The following STRA6 variants were observed in gnomAD, a reference collection of about 807,000 sequenced individuals.
STRA6 encodes receptor for retinol uptake STRA6.
In STRA6, 48 loss-of-function variants were observed where a neutral mutation model predicts 83.6. The ratio of observed to expected loss-of-function variants is 0.57; its 90% confidence interval spans 0.46 to 0.73. STRA6 has a LOEUF of 0.73. Ranked by LOEUF, STRA6 falls within the 30% of genes least tolerant of loss-of-function variation. STRA6 has a pLI of 0.00. For synonymous variants in STRA6, 353 were observed against 362.3 expected, an observed-to-expected ratio of 0.97 and a Z score of 0.29; for missense variants, 760 against 838.8, an observed-to-expected ratio of 0.91 and a Z score of 1.16.
chr15:74,196,002 G>T lies in STRA6; in HGVS notation c.406+6C>A, dbSNP rs2073796271. The stretch of plus-strand genomic sequence containing the variant: ...CCAACCCCAGGGCCTGGGGGTCAGT[G>T]GGTACCTTGGCTGGGTGCTGAGGCG... On this transcript the variant is annotated splice_donor_region_variant and intron_variant, in intron 5 of 18. Coordinates refer to ENST00000395105, the MANE Select transcript of STRA6 (RefSeq NM_022369.4). 2 of 1,613,668 alleles carry T rather than the reference G, an allele frequency of 1.2e-6. No homozygotes were observed. Among genetic ancestry groups the T allele is most frequent in the South Asian group, 2.2e-5 (2 of 91,058 alleles).
chr15:74,183,750 C>G, intron 14 of STRA6, 106 bp downstream of exon 14: 1 of 1,602,874 alleles, frequency 6.2e-7, no homozygotes, highest in South Asian at 1.1e-5. Flanking sequence ...CATTCCCAGA[C>G]AAACTCTGAG....
At chr15:74,181,602 G>T in intron 16 of STRA6, 144 bp from the exon 17 acceptor site, 1 of 1,165,268 alleles carries the variant, frequency 8.6e-7, no homozygotes, top group Non-Finnish European at 1.2e-6. Context: ...CCCCACCCTG[G>T]GCAAGGCCTT....
chr15:74,195,056 CT>C, intron 7 of STRA6: 1 of 1,446,972 alleles, frequency 6.9e-7, no homozygotes, highest in Non-Finnish European at 9.1e-7. Context: ...ACTCTGCCCA[CT>C]TCCCCTTCTC....
chr15:74,209,859 C>T (rs960504132), upstream of STRA6, among the ~76,000 whole-genome samples: 2 of 152,140 alleles, frequency 1.3e-5, no homozygotes, highest in South Asian at 2.1e-4. Flanking sequence ...GGCCAAGAAG[C>T]GGGGCCCTAA....
chr15:74,196,404 T>A, intron 4 of STRA6: 1 of 529,622 alleles, frequency 1.9e-6, no homozygotes. Context: ...CCGCCCACCC[T>A]GGAAGCTCCA....
intron 16 of STRA6, 93 bp downstream of exon 16, chr15:74,182,068 G>C: frequency 9.1e-7 from 1 of 1,096,164 alleles, no homozygotes; most frequent in East Asian, 2.4e-5. Flanking sequence ...AGAGAGAAGG[G>C]ATAGATGGCA....
chr15:74,210,167 A>C (rs2074347459), upstream of STRA6, among the ~76,000 whole-genome samples: 1 of 152,192 alleles, frequency 6.6e-6, no homozygotes, highest in Non-Finnish European at 1.5e-5. Flanking sequence ...AACCCACATA[A>C]AGAGAAAATT....
At chr15:74,189,592 A>G (rs535409497) in intron 11 of STRA6, among the ~76,000 whole-genome samples, 2 of 152,340 alleles carry the variant, frequency 1.3e-5, no homozygotes, top group African/African-American at 4.8e-5. Flanking sequence ...ATATTTGGGG[A>G]AAAACCCTCA....
chr15:74,209,235 C>T (rs1204015958), upstream of STRA6: 2 of 1,130,428 alleles, frequency 1.8e-6, no homozygotes, highest in East Asian at 2.6e-5. Flanking sequence ...ACCCCCAAAC[C>T]GTTTGCTCGA....
chr15:74,202,551 T>C (rs2074126461), intron 1 of STRA6, 162 bp downstream of exon 1: 2 of 1,476,048 alleles, frequency 1.4e-6, no homozygotes, highest in Non-Finnish European at 1.8e-6. Flanking sequence ...GCTGTCCCCT[T>C]GGGGCCCCGG....
Position 74,197,826 on chromosome 15 carries a change from G to A in STRA6, c.114-8C>T. 3 of 1,612,376 alleles carry A rather than the reference G, an allele frequency of 1.9e-6. No homozygotes were observed. Among genetic ancestry groups the A allele is most frequent in the South Asian group, 1.1e-5 (1 of 91,068 alleles). On this transcript the variant is annotated splice_polypyrimidine_tract_variant and splice_region_variant and intron_variant, in intron 2 of 18. Coordinates refer to ENST00000395105, the MANE Select transcript of STRA6 (RefSeq NM_022369.4). ...TGGCAGGAGGGCACTTCCCTGCAGA[G>A]CAAATGAAGGCTGGCTCAGGCCTGC...
rs749739559 is a variant in STRA6, at chr15:74,189,259, CCAG to C, written c.943_945del (p.Leu315del). The stretch of plus-strand genomic sequence containing the variant: ...TTCTGGATAGTGGGTACCACGCCCA[CCAG>C]CAGCAGCAGGGCCACCTGGAAGAGC... On this transcript the variant is annotated inframe_deletion, in exon 12 of 19. Coordinates refer to ENST00000395105, the MANE Select transcript of STRA6 (RefSeq NM_022369.4). 2.5e-6 allele frequency: 4 copies of C among 1,601,198 alleles called. No homozygotes were observed. Among genetic ancestry groups the C allele is most frequent in the South Asian group, 1.1e-5 (1 of 88,822 alleles).
At chr15:74,197,934 T>A in intron 2 of STRA6, 116 bp from the exon 3 acceptor site, 1 of 1,082,292 alleles carries the variant, frequency 9.2e-7, no homozygotes. Flanking sequence ...CCCTCAACCC[T>A]CTGATCCCTC....
In STRA6 at chr15:74,182,327, G is replaced by C; in HGVS notation, c.1418+16C>G. On this transcript the variant is annotated intron_variant, in intron 15 of 18. Transcript: ENST00000395105. ...TCTAAGGAGTCCCTGAGCCCTCCAT[G>C]TCTTGTTTCACTCACCACGAGGACT... 6.2e-7 allele frequency: 1 copy of C among 1,614,022 alleles called. No individual in the cohort carries two copies. The highest frequency in any genetic ancestry group is 1.3e-5 in the African/African-American group (1 of 75,038).
upstream of STRA6, among the ~76,000 whole-genome samples, chr15:74,206,696 G>T (rs1348734640): frequency 6.6e-6 from 1 of 152,224 alleles, no homozygotes; most frequent in Non-Finnish European, 1.5e-5. Context: ...GGAGGAGGGG[G>T]CCTGGAGCAG....
At chr15:74,185,247 T>C (rs999579591) in intron 12 of STRA6, among the ~76,000 whole-genome samples, 192 bp from the exon 13 acceptor site, 2 of 152,216 alleles carry the variant, frequency 1.3e-5, no homozygotes, top group African/African-American at 4.8e-5. Context: ...CACCCCATTC[T>C]TCCCAGTGAC....
At chr15:74,189,063 T>C in intron 12 of STRA6, 52 bp downstream of exon 12, 1 of 1,607,920 alleles carries the variant, frequency 6.2e-7, no homozygotes, top group South Asian at 1.1e-5. Context: ...ACCTTGGGTC[T>C]CCCCGCTTTC....
intron 16 of STRA6, 145 bp from the exon 17 acceptor site, chr15:74,181,603 G>T: frequency 8.6e-7 from 1 of 1,162,082 alleles, no homozygotes; most frequent in Non-Finnish European, 1.2e-6. Flanking sequence ...CCCACCCTGG[G>T]CAAGGCCTTC....
chr15:74,197,453 G>T, intron 3 of STRA6, 30 bp from the exon 4 acceptor site: 2 of 1,533,288 alleles, frequency 1.3e-6, no homozygotes, highest in Non-Finnish European at 1.8e-6. Context: ...GAGGGCTTGG[G>T]GTGCCCAGGC....
Sources: allele counts gnomAD v4.1 joint callset (sites outside exome capture counted in the v4.1 genomes callset), GRCh38; gene constraint gnomAD v4.1.1; transcripts MANE v1.5; gene names NCBI Gene and HGNC (gene_info 2026-07-23, HGNC 2026-07-21).